Variants in DOCK6 observed in about 807,000 individuals in gnomAD.
DOCK6 encodes the protein dedicator of cytokinesis protein 6.
Under a neutral mutation model 230.3 loss-of-function variants are expected in DOCK6, and 167 were observed. That is an observed-to-expected ratio of 0.73 (90% CI 0.64 to 0.82). The LOEUF is 0.82. Among genes scored for constraint, DOCK6 ranks in the 40% least tolerant of loss-of-function variants. The probability of loss-of-function intolerance (pLI) is 0.00; values close to 1 mark genes in which losing one functional copy is unlikely to be tolerated. For missense variants in DOCK6, 2,598 were observed against 2,825.8 expected (o/e 0.92, Z 1.83); for synonymous variants, 1,148 against 1,185.0 (o/e 0.97, Z 0.64).
chr19:11,244,296 G>A (rs1398534149), intron 9 of DOCK6, among the ~76,000 whole-genome samples: 1 of 147,878 alleles, frequency 6.8e-6, no homozygotes, highest in Non-Finnish European at 1.5e-5. Context: ...GGCTTGCTGT[G>A]AATTTTTTTT....
intron 14 of DOCK6, chr19:11,240,326 G>A: frequency 6.6e-7 from 1 of 1,512,258 alleles, no homozygotes; most frequent in South Asian, 1.3e-5. Context: ...CTAGTGGGCT[G>A]AGACCCTGAT....
intron 9 of DOCK6, 68 bp downstream of exon 9, chr19:11,245,495 C>G: frequency 8.3e-6 from 12 of 1,446,452 alleles, no homozygotes; most frequent in Non-Finnish European, 1.1e-5. Context: ...CTGTCTCATT[C>G]TGTGAAGGCA....
chr19:11,261,326 C>G (rs938052669), intron 1 of DOCK6, among the ~76,000 whole-genome samples: 1 of 152,058 alleles, frequency 6.6e-6, no homozygotes, highest in Non-Finnish European at 1.5e-5. Flanking sequence ...ACCCACCTCC[C>G]GCATCTCAAG....
chr19:11,214,380 G>T lies in DOCK6; in HGVS notation c.4233C>A (p.Ser1411Arg). 8.1e-6 allele frequency: 13 copies of T among 1,613,646 alleles called. No homozygotes were observed. Among genetic ancestry groups the T allele is most frequent in the Non-Finnish European group, 1.1e-5 (13 of 1,179,794 alleles). ...QTVMLSEARE[S>R]VLGAVLKVVL... ...CAACCTTCAGCACTGCCCCCAAGAC[G>T]CTCTCCCGGGCTTCTGAAAGCATCA... The change falls in exon 34 of 48, where the codon AGC (serine) becomes AGA (arginine). Residue 1411 changes from serine to arginine, a missense_variant. Coordinates refer to ENST00000294618, the MANE Select transcript of DOCK6 (RefSeq NM_020812.4).
In DOCK6 at chr19:11,236,185, G is replaced by A. The variant is rs2079844516; in HGVS notation, c.2392+161C>T. 1.3e-6 allele frequency: 1 copy of A among 745,746 alleles called. No homozygotes were observed. The highest frequency in any genetic ancestry group is 2.1e-6 in the Non-Finnish European group (1 of 470,544). The allele number at this position is 745,746 out of a possible 1,614,324, so 46.2% of individuals were successfully genotyped here. On this transcript the variant is annotated intron_variant, in intron 20 of 47. Coordinates refer to ENST00000294618, the MANE Select transcript of DOCK6 (RefSeq NM_020812.4). The surrounding 1 kb of genome is among the most constrained non-coding windows in gnomAD (Gnocchi z 5.2). ...GTGAACCGCTGCACCCGGGCCAAAG[G>A]GTCACAGAAGACCTTCTCTGGGTGC...
At chr19:11,220,451 T>C (rs1239141964) in intron 28 of DOCK6, among the ~76,000 whole-genome samples, 1 of 152,194 alleles carries the variant, frequency 6.6e-6, no homozygotes, top group African/African-American at 2.4e-5. Context: ...CCAGCCTAGC[T>C]CAATTCCTGA....
chr19:11,234,583 A>G (rs1395207005), intron 21 of DOCK6, among the ~76,000 whole-genome samples: 1 of 151,938 alleles, frequency 6.6e-6, no homozygotes, highest in Non-Finnish European at 1.5e-5. Context: ...TATGTCACTT[A>G]CTATTACCAG....
chr19:11,203,125 T>A (rs77410554), intron 41 of DOCK6, among the ~76,000 whole-genome samples: 3,688 of 152,178 alleles, frequency 0.024, 145 homozygotes, highest in African/African-American at 0.085. Flanking sequence ...GATGGCTGTG[T>A]CTCACTCTAG....
rs1475692076 is a variant in DOCK6 at position 11,238,026 on chromosome 19, C to A, written c.1832+19G>T. The stretch of plus-strand genomic sequence containing the variant: ...CCCCCATGAGTGCCCCCAAGTTCCT[C>A]ACGTGTCCCCCTACATACTTGTTAT... On this transcript the variant is annotated intron_variant, in intron 16 of 47. Coordinates refer to ENST00000294618, the MANE Select transcript of DOCK6 (RefSeq NM_020812.4). The A allele has an allele frequency of 2.5e-6, 4 of 1,613,480 alleles. No individual in the cohort carries two copies. The Admixed American group carries it at 6.7e-5, about 27-fold the overall frequency.
chr19:11,211,373 C>T (rs893336062), intron 37 of DOCK6, among the ~76,000 whole-genome samples: 3 of 151,806 alleles, frequency 2.0e-5, no homozygotes, highest in Non-Finnish European at 4.4e-5. Flanking sequence ...CATTTCCCTT[C>T]ACCTGTAAGC....
rs372764985 is a variant in DOCK6 at position 11,220,822 on chromosome 19, A to ATT, written c.3550+1027_3550+1028dup. ...CTGGAAAAAAATATATAATATCTGA[A>ATT]TTTTTTTTTTTTTTTTTTTTGAGAC... On this transcript the variant is annotated intron_variant, in intron 28 of 47. Coordinates refer to ENST00000294618, the MANE Select transcript of DOCK6 (RefSeq NM_020812.4). Among the ~76,000 whole-genome samples the ATT allele has an allele frequency of 6.8e-4, 95 of 139,774 alleles. 1 individual carries two copies. Among genetic ancestry groups the ATT allele is most frequent in the African/African-American group, 1.9e-3 (73 of 37,558 alleles). The allele number at this position is 139,774 out of a possible 152,430, so 91.7% of individuals were successfully genotyped here. A position where few individuals can be genotyped will look rare whatever the true frequency, so the allele number is the denominator to read the frequency against.
rs769102864 is a variant in DOCK6 at position 11,252,822 on chromosome 19, C to T, written c.269G>A (p.Arg90Gln). 67 of 1,613,224 alleles carry T rather than the reference C, an allele frequency of 4.2e-5. No homozygotes were observed. Among genetic ancestry groups the T allele is most frequent in the East Asian group, 3.3e-4 (15 of 44,884 alleles). Reference protein sequence around the residue: ...ADDLELLLQPRECRTTEPGIP... With the variant: ...ADDLELLLQPQECRTTEPGIP... ...CCCGGGCTCCGTGGTCCGGCATTCC[C>T]GGGGCTGCAGCAGCAGCTCCAAGTC... Residue 90 changes from arginine (R) to glutamine (Q), a missense_variant, in exon 3 of 48, where the codon CGG (arginine) becomes CAG (glutamine). Coordinates refer to ENST00000294618, the MANE Select transcript of DOCK6 (RefSeq NM_020812.4).
chr19:11,202,593 G>A lies in DOCK6; in HGVS notation c.5352C>T (p.His1784=). 1 of 1,614,050 alleles carries A rather than the reference G, an allele frequency of 6.2e-7. No individual in the cohort carries two copies. The change falls in exon 42 of 48, where the codon CAC becomes CAT. Residue 1784 remains histidine (H), a synonymous_variant. Coordinates refer to ENST00000294618, the MANE Select transcript of DOCK6 (RefSeq NM_020812.4). The surrounding 1 kb of genome is among the most constrained non-coding windows in gnomAD (Gnocchi z 5.3). ...AACCACAAGGACGTGCCTCCAGCCG[G>A]TGTGAGATCTCTGCCAGCTTCGTGA... ...PSITKLAEIS[H]RLEEFYTERF... is the part of the protein sequence containing the mutation.
chr19:11,217,436 G>T, intron 28 of DOCK6, 45 bp from the exon 29 acceptor site: 2 of 1,585,482 alleles, frequency 1.3e-6, no homozygotes, highest in Non-Finnish European at 1.7e-6. Flanking sequence ...CCCTTGGTAA[G>T]TGCTGTCCCT....
chr19:11,228,793 A>T, intron 23 of DOCK6, 147 bp downstream of exon 23: 1 of 643,356 alleles, frequency 1.6e-6, no homozygotes, highest in Non-Finnish European at 2.7e-6. Flanking sequence ...CGATCTCCTG[A>T]CCTCGTGATC....
At chr19:11,225,416 C>T (rs533805971) in intron 24 of DOCK6, among the ~76,000 whole-genome samples, 52 of 152,144 alleles carry the variant, frequency 3.4e-4, no homozygotes, top group Non-Finnish European at 6.3e-4. Flanking sequence ...TGGGCCAGAA[C>T]GCCATTTCAA....
At chr19:11,210,570 GCATCCCCTCACCTGTC>G (rs1160400934) in intron 37 of DOCK6, among the ~76,000 whole-genome samples, 6 of 62,246 alleles carry the variant, frequency 9.6e-5, no homozygotes, top group African/African-American at 3.9e-4. Context: ...CCTCACCTGT[GCATCCCCTCACCTGTC>G]CATCCCTTCA....
At chr19:11,216,016 C>T in intron 30 of DOCK6, 89 bp from the exon 31 acceptor site, 1 of 1,544,572 alleles carries the variant, frequency 6.5e-7, no homozygotes, top group Non-Finnish European at 8.9e-7. Flanking sequence ...TGTGCTCTTT[C>T]TCACCTCCGG....
Position 11,242,086 on chromosome 19 carries a change from C to T in DOCK6, c.1602G>A (p.Glu534=). ...GGGCATAGACTTCGCGGGCGGGGAACTCCAGAATCTCCTTGGTGGGCCGGC... is the reference window on the plus strand; with the variant it reads ...GGGCATAGACTTCGCGGGCGGGGAATTCCAGAATCTCCTTGGTGGGCCGGC... ...PRGRPTKEIL[E]FPAREVYAPH... The change falls in exon 14 of 48, where the codon GAG becomes GAA. Residue 534 remains glutamate, a synonymous_variant. Transcript: ENST00000294618. The T allele has an allele frequency of 6.5e-7, 1 of 1,540,002 alleles. No homozygotes were observed. The highest frequency in any genetic ancestry group is 1.3e-5 in the South Asian group (1 of 78,070).
Sources: allele counts gnomAD v4.1 joint callset (sites outside exome capture counted in the v4.1 genomes callset), GRCh38; gene constraint gnomAD v4.1.1; non-coding constraint Gnocchi (gnomAD v3.1); transcripts MANE v1.5; gene names NCBI Gene and HGNC (gene_info 2026-07-23, HGNC 2026-07-21).